Variants in SPATA16 observed in about 807,000 individuals in gnomAD.
SPATA16 encodes the protein spermatogenesis-associated protein 16.
Under a neutral mutation model 63.3 loss-of-function variants are expected in SPATA16, and 36 were observed. The observed-to-expected ratio is 0.57, with a 90% CI of 0.44 to 0.75. The LOEUF (loss-of-function observed/expected upper bound fraction) is 0.75. Among genes scored for constraint, SPATA16 ranks in the 30% least tolerant of loss-of-function variants. SPATA16 has a pLI of 0.00. For missense variants in SPATA16, 646 were observed against 679.3 expected (o/e 0.95, Z 0.54); for synonymous variants, 203 against 216.7 (o/e 0.94, Z 0.56).
At chr3:173,064,342 G>GAAAAAAA (rs1553798594) in intron 2 of SPATA16, among the ~76,000 whole-genome samples, 4 of 114,336 alleles carry the variant, frequency 3.5e-5, no homozygotes, top group African/African-American at 1.7e-4. Context: ...AAAAAAAAAG[G>GAAAAAAA]AAGGGAATTA....
intron 7 of SPATA16, 95 bp from the exon 8 acceptor site, chr3:172,924,412 T>A: frequency 1.1e-6 from 1 of 934,586 alleles, no homozygotes; most frequent in African/African-American, 1.6e-5. Flanking sequence ...ATCTCAATAT[T>A]AATAGATACA....
intron 2 of SPATA16, among the ~76,000 whole-genome samples, chr3:173,067,229 A>G (rs1736542359): frequency 6.6e-6 from 1 of 152,196 alleles, no homozygotes; most frequent in Admixed American, 6.5e-5. Context: ...TGGACTGAAC[A>G]AAGAAAATGT....
Position 173,117,103 on chromosome 3 carries a change from T to C in SPATA16, c.612+17A>G. ...ATAGTTTCCTGTCACCAATCTATAT[T>C]TTCTTTAATCCCATACCTCAAGTGC... On this transcript the variant is annotated intron_variant, in intron 2 of 10. Coordinates refer to ENST00000351008, the MANE Select transcript of SPATA16 (RefSeq NM_031955.6). 7 of 1,612,802 alleles carry C rather than the reference T, an allele frequency of 4.3e-6. No homozygotes were observed. The highest frequency in any genetic ancestry group is 5.9e-6 in the Non-Finnish European group (7 of 1,178,878).
chr3:172,948,892 AAAG>A (rs1310169747), intron 6 of SPATA16, among the ~76,000 whole-genome samples: 1 of 152,240 alleles, frequency 6.6e-6, no homozygotes, highest in Admixed American at 6.5e-5. Context: ...TTATTGAGCA[AAAG>A]AAGTCAGATA....
chr3:173,077,950 G>A (rs924314490), intron 2 of SPATA16, among the ~76,000 whole-genome samples: 33 of 152,172 alleles, frequency 2.2e-4, no homozygotes, highest in African/African-American at 7.2e-4. Context: ...AGTCATATGC[G>A]AGGGAAGAAA....
At chr3:173,001,811 A>AT (rs1357861090) in intron 4 of SPATA16, among the ~76,000 whole-genome samples, 2 of 152,034 alleles carry the variant, frequency 1.3e-5, no homozygotes, top group African/African-American at 4.8e-5. Context: ...CTAGATGTTG[A>AT]TTTTTTCTGT....
chr3:173,111,753 A>AT (rs1737755075), intron 2 of SPATA16, among the ~76,000 whole-genome samples: 1 of 152,144 alleles, frequency 6.6e-6, no homozygotes, highest in South Asian at 2.1e-4. Flanking sequence ...GACCTGTCTT[A>AT]TACCAAATTC....
intron 3 of SPATA16, among the ~76,000 whole-genome samples, chr3:173,028,872 A>G (rs145735870): frequency 5.3e-5 from 8 of 152,200 alleles, no homozygotes; most frequent in Non-Finnish European, 1.0e-4. Flanking sequence ...GAAGCTGTCT[A>G]GAATGAGTGA....
At chr3:173,030,057 ACTAT>A (rs71785029) in intron 3 of SPATA16, among the ~76,000 whole-genome samples, 59,814 of 148,872 alleles carry the variant, frequency 0.4, 12,283 homozygotes, top group Non-Finnish European at 0.46. Flanking sequence ...TGGTTACTTT[ACTAT>A]CTATCTATCT....
intron 2 of SPATA16, among the ~76,000 whole-genome samples, chr3:173,115,793 TAC>T (rs1335478603): frequency 6.6e-6 from 1 of 152,158 alleles, no homozygotes; most frequent in Non-Finnish European, 1.5e-5. Flanking sequence ...ATGAAAATAA[TAC>T]TTTACTCTTT....
chr3:172,969,161 G>A (rs963228090), intron 5 of SPATA16, among the ~76,000 whole-genome samples: 13 of 152,174 alleles, frequency 8.5e-5, no homozygotes, highest in African/African-American at 3.1e-4. Flanking sequence ...TTGCTTCAGG[G>A]ATGTGAAGTA....
At chr3:172,921,545 G>T (rs1435020478) in intron 8 of SPATA16, among the ~76,000 whole-genome samples, 1 of 112,484 alleles carries the variant, frequency 8.9e-6, no homozygotes, top group Non-Finnish European at 1.8e-5. Flanking sequence ...ACTGATCAAA[G>T]GAAAGTAAGC....
intron 2 of SPATA16, among the ~76,000 whole-genome samples, chr3:173,077,324 G>GA (rs1371710823): frequency 1.1e-4 from 16 of 151,834 alleles, no homozygotes; most frequent in African/African-American, 2.9e-4. Context: ...CGGGAATCTA[G>GA]AAAAAAACCC....
At chr3:173,088,594 GGTT>G (rs1325112280) in intron 2 of SPATA16, among the ~76,000 whole-genome samples, 4 of 151,444 alleles carry the variant, frequency 2.6e-5, no homozygotes, top group African/African-American at 4.9e-5. Flanking sequence ...TAATTTTTTT[GGTT>G]GTTTACCAAG....
intron 4 of SPATA16, among the ~76,000 whole-genome samples, chr3:173,018,949 T>C (rs1038692087): frequency 2.6e-5 from 4 of 152,144 alleles, no homozygotes; most frequent in Non-Finnish European, 4.4e-5. Context: ...ACTCTTGCAA[T>C]TCTTTGCCAC....
chr3:172,978,159 C>A (rs145090894), intron 4 of SPATA16, among the ~76,000 whole-genome samples: 30,537 of 147,746 alleles, frequency 0.21, 3,342 homozygotes, highest in African/African-American at 0.29. Flanking sequence ...CTCTCTCTCT[C>A]TCTATATATA....
At chr3:173,102,779 T>G (rs530362932) in intron 2 of SPATA16, among the ~76,000 whole-genome samples, 1 of 152,246 alleles carries the variant, frequency 6.6e-6, no homozygotes, top group East Asian at 1.9e-4. Context: ...AATAATGTCT[T>G]CCCAATAATC....
At chr3:172,968,023 G>A (rs76011154) in intron 5 of SPATA16, among the ~76,000 whole-genome samples, 5,794 of 152,134 alleles carry the variant, frequency 0.038, 371 homozygotes, top group African/African-American at 0.13. Context: ...TCACAAAACC[G>A]GTCCCTGGTA....
chr3:173,051,982 T>C (rs1736110510), intron 2 of SPATA16, among the ~76,000 whole-genome samples: 1 of 152,046 alleles, frequency 6.6e-6, no homozygotes, highest in Non-Finnish European at 1.5e-5. Flanking sequence ...CAGCTAATTT[T>C]GTATTTTCAG....
Sources: gnomAD v4.1 joint callset for allele counts (sites outside exome capture counted in the v4.1 genomes callset) on GRCh38, gnomAD v4.1.1 for gene constraint, MANE v1.5 for transcripts, NCBI Gene and HGNC (gene_info 2026-07-23, HGNC 2026-07-21) for gene names.